The following TXNDC8 variants were observed in gnomAD, a reference collection of about 807,000 sequenced individuals.
The protein encoded by TXNDC8 is thioredoxin domain containing 8.
TXNDC8 carries 15 observed loss-of-function variants against 12.9 expected under a neutral mutation model. The ratio of observed to expected loss-of-function variants is 1.16; its 90% CI spans 0.78 to 1.79. The LOEUF is 1.79. Among genes scored for constraint, TXNDC8 ranks in the 40% most tolerant of loss-of-function variants. The pLI is 0.00. For missense variants in TXNDC8, 128 were observed against 113.2 expected (o/e 1.13, Z -0.59); for synonymous variants, 40 against 35.4 (o/e 1.13, Z -0.46).
intron 3 of TXNDC8, among the ~76,000 whole-genome samples, chr9:110,314,561 T>C (rs1838811194): frequency 1.3e-5 from 2 of 150,802 alleles, no homozygotes; most frequent in South Asian, 4.2e-4. Flanking sequence ...GCCTCCGGAG[T>C]AGCTGGGACT....
intron 3 of TXNDC8, chr9:110,323,844 A>G (rs775312427): frequency 6.5e-6 from 10 of 1,546,350 alleles, no homozygotes; most frequent in Non-Finnish European, 8.7e-6. Flanking sequence ...TCCCAAATTC[A>G]AATCCAGTGA....
intron 3 of TXNDC8, among the ~76,000 whole-genome samples, chr9:110,320,348 G>A (rs1033414447): frequency 2.6e-5 from 4 of 152,154 alleles, no homozygotes; most frequent in Non-Finnish European, 2.9e-5. Context: ...GAACCTGATG[G>A]TTTTATGAAG....
intron 2 of TXNDC8, among the ~76,000 whole-genome samples, chr9:110,333,405 G>A (rs555001272): frequency 6.6e-6 from 1 of 152,130 alleles, no homozygotes; most frequent in Admixed American, 6.5e-5. Context: ...AAACCATCCC[G>A]GCACCCCCTA....
intron 1 of TXNDC8, among the ~76,000 whole-genome samples, chr9:110,335,944 A>G (rs1477292041): frequency 6.6e-6 from 1 of 152,200 alleles, no homozygotes; most frequent in Non-Finnish European, 1.5e-5. Context: ...CCCACATGTC[A>G]TGGGAGAGAC....
At chr9:110,332,027 C>G (rs1398079971) in intron 2 of TXNDC8, among the ~76,000 whole-genome samples, 1 of 152,020 alleles carries the variant, frequency 6.6e-6, no homozygotes, top group Non-Finnish European at 1.5e-5. Context: ...TGCAAAAGTT[C>G]AAACATTACA....
chr9:110,323,141 T>C (rs1839175535), intron 3 of TXNDC8: 1 of 985,128 alleles, frequency 1.0e-6, no homozygotes, highest in Admixed American at 6.2e-5. Flanking sequence ...AACAGAGATA[T>C]GGTGCTAAGT....
intron 3 of TXNDC8, among the ~76,000 whole-genome samples, chr9:110,305,764 CTTTCT>C (rs746198439): frequency 0.045 from 6,055 of 134,320 alleles, 356 homozygotes; most frequent in East Asian, 0.11. Flanking sequence ...CTTCCCTTCC[CTTTCT>C]TTTCTTTTCT....
chr9:110,320,892 G>A (rs556576811), intron 3 of TXNDC8, among the ~76,000 whole-genome samples: 1 of 152,294 alleles, frequency 6.6e-6, no homozygotes, highest in South Asian at 2.1e-4. Context: ...CAGCAGGAAG[G>A]AACAAGCTCC....
chr9:110,325,556 G>A (rs1564104354), intron 3 of TXNDC8, among the ~76,000 whole-genome samples: 3 of 133,234 alleles, frequency 2.3e-5, no homozygotes, highest in Non-Finnish European at 3.0e-5. Flanking sequence ...TCACTCTGTC[G>A]CCCAGGCTGG....
chr9:110,311,416 A>G (rs990804279), intron 3 of TXNDC8, among the ~76,000 whole-genome samples: 2 of 149,640 alleles, frequency 1.3e-5, no homozygotes, highest in African/African-American at 4.9e-5. Context: ...AAAAAGGTGA[A>G]CAATTTTTGT....
At chr9:110,314,675 G>A (rs186121999) in intron 3 of TXNDC8, among the ~76,000 whole-genome samples, 1 of 152,052 alleles carries the variant, frequency 6.6e-6, no homozygotes, top group African/African-American at 2.4e-5. Context: ...CTCGTGATCC[G>A]CCCACCTCGG....
chr9:110,305,856 TTTTTCTTTTC>T (rs148102397), intron 3 of TXNDC8, among the ~76,000 whole-genome samples: 24,822 of 124,118 alleles, frequency 0.2, 2,336 homozygotes, highest in South Asian at 0.24. Context: ...CTTTTCTTTC[TTTTTCTTTTC>T]TTTTCTTTTC....
intron 3 of TXNDC8, among the ~76,000 whole-genome samples, chr9:110,310,041 C>T (rs558166451): frequency 6.6e-6 from 1 of 152,232 alleles, no homozygotes; most frequent in South Asian, 2.1e-4. Context: ...GACTGACTCC[C>T]CTTTCAAGCA....
chr9:110,326,077 TG>T, intron 3 of TXNDC8, 97 bp downstream of exon 4: 1 of 1,138,542 alleles, frequency 8.8e-7, no homozygotes, highest in South Asian at 1.3e-5. Context: ...TAAAAATAAA[TG>T]TAGTTATTTC....
At chr9:110,332,782 C>G (rs1340652546) in intron 2 of TXNDC8, among the ~76,000 whole-genome samples, 3 of 152,058 alleles carry the variant, frequency 2.0e-5, no homozygotes, top group Non-Finnish European at 2.9e-5. Context: ...TTAAAAGATT[C>G]ATTTGGAGAC....
In TXNDC8 at chr9:110,303,602, A is replaced by G. The variant is rs1385770995; in HGVS notation, c.*80T>C. 5 of 1,562,008 alleles carry G rather than the reference A, an allele frequency of 3.2e-6. No individual in the cohort carries two copies. The highest frequency in any genetic ancestry group is 4.3e-6 in the Non-Finnish European group (5 of 1,149,674). The stretch of plus-strand genomic sequence containing the variant: ...CAAAAATCTGTTCACAAATGCACAA[A>G]GGTGAAACATTTATTGATTCAAGTG... On this transcript the variant is annotated 3_prime_UTR_variant, in exon 5 of 5. Transcript: ENST00000423740.
intron 3 of TXNDC8, among the ~76,000 whole-genome samples, chr9:110,324,524 A>T (rs1839230174): frequency 6.6e-6 from 1 of 151,790 alleles, no homozygotes; most frequent in Non-Finnish European, 1.5e-5. Context: ...ATTATTCTTT[A>T]TAACTTTTTT....
chr9:110,328,556 CA>C (rs1466681908), intron 2 of TXNDC8, among the ~76,000 whole-genome samples: 1 of 152,226 alleles, frequency 6.6e-6, no homozygotes, highest in African/African-American at 2.4e-5. Flanking sequence ...CCTGTAATCC[CA>C]ACACTTTGGG....
chr9:110,305,764 C>CTTTCTTTTCTTTTCTTTTCT, intron 3 of TXNDC8, among the ~76,000 whole-genome samples: 1 of 134,600 alleles, frequency 7.4e-6, no homozygotes, highest in South Asian at 2.5e-4. Flanking sequence ...CTTCCCTTCC[C>CTTTCTTTTCTTTTCTTTTCT]TTTCTTTTCT....
Sources: gnomAD v4.1 joint callset for allele counts (sites outside exome capture counted in the v4.1 genomes callset) on GRCh38, gnomAD v4.1.1 for gene constraint, MANE v1.5 for transcripts, NCBI Gene and HGNC (gene_info 2026-07-23, HGNC 2026-07-21) for gene names.